FBF1: variants seen among roughly 807,000 people sequenced by gnomAD.
FBF1 encodes fas-binding factor 1.
Under a neutral mutation model 147.2 loss-of-function variants are expected in FBF1, and 119 were observed. The ratio of observed to expected loss-of-function variants is 0.81; its 90% CI spans 0.70 to 0.94. The LOEUF is 0.94. FBF1 is among the 40% of genes least tolerant of loss of function. FBF1 has a pLI of 0.00. For missense variants in FBF1, 1,449 were observed against 1,500.8 expected, an observed-to-expected ratio of 0.97 and a Z score of 0.57; for synonymous variants, 601 against 609.0, an observed-to-expected ratio of 0.99 and a Z score of 0.19.
Position 75,910,085 on chromosome 17 carries a change from G to T in FBF1, c.*638C>A, listed in dbSNP as rs116940472. On this transcript the variant is annotated 3_prime_UTR_variant, in exon 30 of 30. Transcript: ENST00000636174. The surrounding 1 kb of genome is among the most constrained non-coding windows in gnomAD (Gnocchi z 4.1). ...ACCCAGATGGGGAGGAAGCTGAGGA[G>T]GCCACTGTTCACCCAAACTGGTTGG... The T allele has an allele frequency of 8.5e-3, 5,021 of 592,306 alleles. 37 individuals are homozygous for T. The highest frequency in any genetic ancestry group is 0.011 in the Non-Finnish European group (3,613 of 315,654). 36.7% of individuals were successfully genotyped at this position (592,306 alleles called of 1,614,324 possible). A position where few individuals can be genotyped will look rare whatever the true frequency, so the allele number is the denominator to read the frequency against.
rs2065555197 is a variant in FBF1, at chr17:75,925,581, G to GCA, written c.869-137_869-136dup. On this transcript the variant is annotated intron_variant, in intron 12 of 29. Coordinates refer to ENST00000636174, the MANE Select transcript of FBF1 (RefSeq NM_001319193.2). The surrounding 1 kb of genome is among the most constrained non-coding windows in gnomAD (Gnocchi z 5.0). ...GCAGAGGGAAGCTGCTGTGAAGGGA[G>GCA]CACCTCAGGCACTGGCCAGGAAGAT... The GCA allele has an allele frequency of 1.4e-6, 1 of 729,198 alleles. No homozygotes were observed. Among genetic ancestry groups the GCA allele is most frequent in the South Asian group, 1.8e-5 (1 of 54,604 alleles). The allele number at this position is 729,198 out of a possible 1,614,324, so 45.2% of individuals were successfully genotyped here.
In FBF1 at chr17:75,927,461, A is replaced by G. The variant is rs1343951956; in HGVS notation, c.469T>C (p.Ser157Pro). The G allele has an allele frequency of 6.3e-7, 1 of 1,591,994 alleles. No individual in the cohort carries two copies. The highest frequency in any genetic ancestry group is 8.6e-7 in the Non-Finnish European group (1 of 1,169,430). ...SSGHQNRRFS[S>P]EDLEDPLRGL... ...TGACAGGAGCCTATGGTACCTTCAG[A>G]GGAAAACCTCCTGTTCTGATGCCCA... is the stretch of plus-strand genomic sequence containing the variant. The change falls in exon 9 of 30, where the codon TCT becomes CCT. Residue 157 changes from serine (S) to proline (P), a missense_variant. Coordinates refer to ENST00000636174, the MANE Select transcript of FBF1 (RefSeq NM_001319193.2).
At position 75,926,861 on chromosome 17, in the gene FBF1, C is replaced by T; in HGVS notation, c.492G>A (p.Leu164=). The T allele has an allele frequency of 6.2e-7, 1 of 1,612,322 alleles. No individual in the cohort carries two copies. Among genetic ancestry groups the T allele is most frequent in the Middle Eastern group, 1.7e-4 (1 of 6,056 alleles). The change falls in exon 10 of 30, where the codon TTG becomes TTA. Residue 164 remains leucine (L), a synonymous_variant. Coordinates refer to ENST00000636174, the MANE Select transcript of FBF1 (RefSeq NM_001319193.2). ...CTTCATCATAGGAGAGAAGTCCTCT[C>T]AATGGGTCTTCCAAGTCTCACAGCA... ...RFSSEDLEDP[L]RGLLSYDEGG...
rs1284610072 is a variant in FBF1 at position 75,918,828 on chromosome 17, A to C, written c.2139-559T>G. The stretch of plus-strand genomic sequence containing the variant: ...TTCTTTTTTTTTTTTTTTTTCCTAG[A>C]GATGAGGTCTCACTATGTTGCCCAG... On this transcript the variant is annotated intron_variant, in intron 20 of 29. Coordinates refer to ENST00000636174, the MANE Select transcript of FBF1 (RefSeq NM_001319193.2). This position sits in a 1 kb window ranked among gnomAD's most constrained non-coding sequence, Gnocchi z 5.8. 7.1e-6 allele frequency among the ~76,000 whole-genome samples: 1 copy of C among 141,332 alleles called. No individual in the cohort carries two copies. The highest frequency in any genetic ancestry group is 1.5e-5 in the Non-Finnish European group (1 of 65,470). 92.7% of individuals were successfully genotyped at this position (141,332 alleles called of 152,430 possible).
In FBF1 at chr17:75,925,012, G is replaced by A. The variant is rs575642389; in HGVS notation, c.968+335C>T. On this transcript the variant is annotated intron_variant, in intron 13 of 29. Coordinates refer to ENST00000636174, the MANE Select transcript of FBF1 (RefSeq NM_001319193.2). The surrounding 1 kb of genome is among the most constrained non-coding windows in gnomAD (Gnocchi z 5.0). The stretch of plus-strand genomic sequence containing the variant: ...TACCCATCAGGAAGTATGTTCCTTG[G>A]GGAGACCGAGCGACATCACAGCCTT... 6.6e-6 allele frequency among the ~76,000 whole-genome samples: 1 copy of A among 152,270 alleles called. No individual in the cohort carries two copies. The highest frequency in any genetic ancestry group is 1.5e-5 in the Non-Finnish European group (1 of 68,022).
rs114455179 is a variant in FBF1, at chr17:75,913,890, G to A, written c.3129+23C>T. The A allele has an allele frequency of 8.9e-3, 13,719 of 1,549,648 alleles. 495 individuals are homozygous for A. In the African/African-American group the frequency reaches 0.1, roughly 12 times the overall value. ...GGCTGGGGGTGCCGGGGGCAGGGGC[G>A]CCATACACTCAGGGAGCCTTGCCTG... On this transcript the variant is annotated intron_variant, in intron 27 of 29. Coordinates refer to ENST00000636174, the MANE Select transcript of FBF1 (RefSeq NM_001319193.2).
chr17:75,916,007 C>CA (rs35055735), intron 23 of FBF1, among the ~76,000 whole-genome samples: 1,710 of 63,950 alleles, frequency 0.027, 15 homozygotes, highest in Non-Finnish European at 0.033. Context: ...GACTCTGACT[C>CA]AAAAAAAAAA....
chr17:75,927,868 G>A (rs942686795), intron 8 of FBF1, among the ~76,000 whole-genome samples: 19 of 152,120 alleles, frequency 1.2e-4, no homozygotes, highest in Admixed American at 1.2e-3. Flanking sequence ...AACAGCTCGA[G>A]GAAGGGAGGA....
At position 75,923,940 on chromosome 17, in the gene FBF1, C is replaced by T. The variant is rs1402456220; in HGVS notation, c.969-299G>A. On this transcript the variant is annotated intron_variant, in intron 13 of 29. Coordinates refer to ENST00000636174, the MANE Select transcript of FBF1 (RefSeq NM_001319193.2). This position sits in a 1 kb window ranked among gnomAD's most constrained non-coding sequence, Gnocchi z 4.1. ...GTCTAAAGAAAAATCAGGCCGAGCA[C>T]GGTGGCTCATGTCTGTAATCCCAGA... 4.6e-5 allele frequency among the ~76,000 whole-genome samples: 7 copies of T among 152,206 alleles called. No individual in the cohort carries two copies. The highest frequency in any genetic ancestry group is 2.1e-4 in the South Asian group (1 of 4,812).
intron 17 of FBF1, among the ~76,000 whole-genome samples, chr17:75,920,926 G>A (rs1362214003): frequency 6.6e-6 from 1 of 152,074 alleles, no homozygotes; most frequent in Non-Finnish European, 1.5e-5. Context: ...GATGGCAAGG[G>A]TGGAGGAGGC....
chr17:75,917,837 C>G lies in FBF1; in HGVS notation c.2400G>C (p.Arg800=). The change falls in exon 23 of 30, where the codon CGG becomes CGC. Residue 800 remains arginine (R), a synonymous_variant. Coordinates refer to ENST00000636174, the MANE Select transcript of FBF1 (RefSeq NM_001319193.2). ...CCATGTCCCGCTGCTGCTGGCCCAG[C>G]CGCTCCTGCAGTGCTGGGGGCAACC... ...RDEQLRALQE[R]LGQQQRDMEE... is the part of the protein sequence containing the mutation. 6.2e-7 allele frequency: 1 copy of G among 1,606,206 alleles called. No individual in the cohort carries two copies. Among genetic ancestry groups the G allele is most frequent in the South Asian group, 1.1e-5 (1 of 89,700 alleles).
At chr17:75,913,661 C>G in intron 28 of FBF1, 41 bp downstream of exon 28, 1 of 1,513,216 alleles carries the variant, frequency 6.6e-7, no homozygotes, top group Non-Finnish European at 8.9e-7. Flanking sequence ...CTGCCCCTGC[C>G]CAGTCCTGAG....
chr17:75,938,012 G>A, intron 2 of FBF1, 135 bp downstream of exon 2: 2 of 1,343,048 alleles, frequency 1.5e-6, no homozygotes, highest in Non-Finnish European at 2.1e-6. Context: ...GCCACCTCCT[G>A]TCACTCTTCT....
In FBF1 at chr17:75,938,127, T is replaced by C; in HGVS notation, c.3+20A>G. On this transcript the variant is annotated intron_variant, in intron 2 of 29. Transcript: ENST00000636174. ...GAGGCATGTTCGCTTTCCATGCATC[T>C]TACTCTGAACTCTGCCTACCATCTC... 6.2e-7 allele frequency: 1 copy of C among 1,613,352 alleles called. No homozygotes were observed.
intron 5 of FBF1, 59 bp downstream of exon 5, chr17:75,932,936 G>C: frequency 8.5e-7 from 1 of 1,175,774 alleles, no homozygotes; most frequent in Non-Finnish European, 1.2e-6. Context: ...GGGGGTGGAG[G>C]GGCAGAGAGC....
At chr17:75,924,990 C>T (rs895318653) in intron 13 of FBF1, among the ~76,000 whole-genome samples, 2 of 152,138 alleles carry the variant, frequency 1.3e-5, no homozygotes, top group African/African-American at 4.8e-5. Context: ...GTCTTGCTAC[C>T]CATCAGGAAG....
In FBF1 at chr17:75,919,965, A is replaced by G. The variant is rs756847304; in HGVS notation, c.1931+42T>C. The G allele has an allele frequency of 1.5e-5, 24 of 1,610,258 alleles. No individual in the cohort carries two copies. Among genetic ancestry groups the G allele is most frequent in the Non-Finnish European group, 2.0e-5 (24 of 1,177,454 alleles). ...GGCACACTGGGTGGCCTTTGGGGTC[A>G]GTGTGAGATCCAAGGCAGAGCTGGG... is the stretch of plus-strand genomic sequence containing the variant. On this transcript the variant is annotated intron_variant, in intron 19 of 29. Coordinates refer to ENST00000636174, the MANE Select transcript of FBF1 (RefSeq NM_001319193.2). The surrounding 1 kb of genome is among the most constrained non-coding windows in gnomAD (Gnocchi z 5.0).
At chr17:75,921,719 C>T (rs1294360235) in intron 15 of FBF1, among the ~76,000 whole-genome samples, 159 bp from the exon 16 acceptor site, 1 of 116,414 alleles carries the variant, frequency 8.6e-6, no homozygotes, top group Admixed American at 9.5e-5. Context: ...TCTGCTGGGA[C>T]ACGGGGACGG....
chr17:75,915,161 T>C, intron 23 of FBF1, 22 bp from the exon 24 acceptor site: 1 of 1,601,078 alleles, frequency 6.2e-7, no homozygotes. Context: ...AGGGCAGGAC[T>C]GAGAGCGTGG....
Sources: allele counts gnomAD v4.1 joint callset (sites outside exome capture counted in the v4.1 genomes callset), GRCh38; gene constraint gnomAD v4.1.1; non-coding constraint Gnocchi (gnomAD v3.1); transcripts MANE v1.5; gene names NCBI Gene and HGNC (gene_info 2026-07-23, HGNC 2026-07-21).